The following NOP2 variants were observed in gnomAD, a reference collection of about 807,000 sequenced individuals.
NOP2 encodes 28S rRNA (cytosine(4447)-C(5))-methyltransferase.
NOP2 carries 7 observed loss-of-function variants against 72.7 expected under a neutral mutation model. That is an observed-to-expected ratio of 0.10 (90% confidence interval 0.05 to 0.18). The LOEUF (loss-of-function observed/expected upper bound fraction) is 0.18, where lower values mean the gene tolerates loss of function less well. NOP2 is among the 10% of genes least tolerant of loss of function. The pLI is 1.00. For missense variants in NOP2, 954 were observed against 1,014.7 expected (o/e 0.94, Z 0.81); for synonymous variants, 387 against 388.0 (o/e 1.00, Z 0.03).
intron 15 of NOP2, among the ~76,000 whole-genome samples, chr12:6,558,905 T>C (rs1347979196): frequency 6.6e-6 from 1 of 152,188 alleles, no homozygotes; most frequent in Non-Finnish European, 1.5e-5. Context: ...TCCATGTGAA[T>C]TGTGATGAAG....
chr12:6,565,345 CT>C (rs765750969), intron 5 of NOP2, among the ~76,000 whole-genome samples: 135 of 145,068 alleles, frequency 9.3e-4, no homozygotes, highest in Admixed American at 1.0e-3. Flanking sequence ...TTTAACTTAA[CT>C]TTTTTTTTTT....
chr12:6,567,214 T>C (rs1947803798), intron 2 of NOP2, among the ~76,000 whole-genome samples: 1 of 152,190 alleles, frequency 6.6e-6, no homozygotes, highest in South Asian at 2.1e-4. Flanking sequence ...CCTCCCAAAG[T>C]GTTTCCTTAA....
At chr12:6,558,136 G>A (rs755008552) in intron 15 of NOP2, 17 of 181,142 alleles carry the variant, frequency 9.4e-5, no homozygotes, top group Admixed American at 1.2e-4. Flanking sequence ...GCAAGACACC[G>A]TCTCAAAAAA....
In NOP2 at chr12:6,567,848, G is replaced by C. The variant is rs777646114; in HGVS notation, c.71C>G (p.Ala24Gly). 30 of 1,613,872 alleles carry C rather than the reference G, an allele frequency of 1.9e-5. No individual in the cohort carries two copies. Among genetic ancestry groups the C allele is most frequent in the Non-Finnish European group, 2.5e-5 (29 of 1,179,882 alleles). The part of the protein sequence containing the change: ...PGRKARKQKG[A>G]ETELVRFLPA... The stretch of plus-strand genomic sequence containing the variant: ...CAAGAATCTGACGAGTTCTGTCTCG[G>C]CACCCTTCTGCTTCCGGGCCTTTCG... The change falls in exon 2 of 16, where the codon GCC becomes GGC. Residue 24 changes from alanine (A) to glycine (G), a missense_variant. Ala to Gly is a moderately conservative substitution (Grantham distance 60). This residue lies in a region of NOP2 where 498 missense variants were observed against 478.3 expected (regional missense o/e 1.04). Transcript: ENST00000322166.
At chr12:6,566,728 G>C (rs377089208) in intron 3 of NOP2, 49 bp downstream of exon 3, 2 of 1,596,614 alleles carry the variant, frequency 1.3e-6, no homozygotes. Context: ...TGTGGTCAAA[G>C]ATGAGCAGTA....
At chr12:6,557,968 C>A (rs937539613) in intron 15 of NOP2, 16 of 354,686 alleles carry the variant, frequency 4.5e-5, no homozygotes, top group African/African-American at 3.0e-4. Flanking sequence ...CATGGTGAAA[C>A]CATCTCTACT....
rs1947610593 is a variant in NOP2 at position 6,560,298 on chromosome 12, T to C, written c.1589A>G (p.Tyr530Cys). 6.2e-7 allele frequency: 1 copy of C among 1,613,978 alleles called. No homozygotes were observed. The highest frequency in any genetic ancestry group is 8.5e-7 in the Non-Finnish European group (1 of 1,179,874). Residue 530 changes from tyrosine to cysteine, a missense_variant, in exon 15 of 16, where the codon TAT becomes TGT. By Grantham distance (194) the Tyr-to-Cys change is radical. Coordinates refer to ENST00000322166, the MANE Select transcript of NOP2 (RefSeq NM_001258308.2). This position sits in a 1 kb window ranked among gnomAD's most constrained non-coding sequence, Gnocchi z 5.0. Reference sequence around the variant, plus strand: ...TCGCACATTCCTCTTTTTCAGAGCATAGTCTACCACCCACTCATTCTCTTC... The same window carrying C: ...TCGCACATTCCTCTTTTTCAGAGCACAGTCTACCACCCACTCATTCTCTTC... Reference protein sequence around the residue: ...TVEENEWVVDYALKKRNVRLV... With the variant: ...TVEENEWVVDCALKKRNVRLV...
chr12:6,557,402 TG>T lies in NOP2; in HGVS notation c.2029del (p.Gln677ArgfsTer18), dbSNP rs1306664316. 6.2e-7 allele frequency: 1 copy of T among 1,614,102 alleles called. No homozygotes were observed. Among genetic ancestry groups the T allele is most frequent in the Non-Finnish European group, 8.5e-7 (1 of 1,179,912 alleles). ...TTTTCCAGCTGGCTGACTGCTATCC[TG>T]GAAGCTGGAGGAAGCTTGGGTCTTT... is the stretch of plus-strand genomic sequence containing the variant. Reference protein sequence around the residue: ...VTKTQASSSFQDSSQPAGKAE... With the variant: ...VTKTQASSSFXDSSQPAGKAE... On this transcript the variant is annotated frameshift_variant, in exon 16 of 16. Coordinates refer to ENST00000322166, the MANE Select transcript of NOP2 (RefSeq NM_001258308.2). LOFTEE classifies it low-confidence loss of function (END_TRUNC).
At position 6,560,344 on chromosome 12, in the gene NOP2, A is replaced by G; in HGVS notation, c.1561-18T>C. The stretch of plus-strand genomic sequence containing the variant: ...TCTTCTACCTGGATGTGGGGGGAAG[A>G]CAAAGAACGGAGGAAAAAGCAGAGC... On this transcript the variant is annotated intron_variant, in intron 14 of 15. Transcript: ENST00000322166. This position sits in a 1 kb window ranked among gnomAD's most constrained non-coding sequence, Gnocchi z 5.0. 1 of 1,610,800 alleles carries G rather than the reference A, an allele frequency of 6.2e-7. No individual in the cohort carries two copies.
Position 6,566,884 on chromosome 12 carries a change from C to T in NOP2, c.104-62G>A, listed in dbSNP as rs115775154. ...AGGGGACATTAAAAATAAATGGGAACGGAAATAAACATGGTAAGAGAATTA... is the reference window on the plus strand; with the variant it reads ...AGGGGACATTAAAAATAAATGGGAATGGAAATAAACATGGTAAGAGAATTA... On this transcript the variant is annotated intron_variant, in intron 2 of 15. Transcript: ENST00000322166. 2.8e-3 allele frequency: 3,736 copies of T among 1,338,746 alleles called. 68 individuals are homozygous for T. In the African/African-American group the frequency reaches 0.042, roughly 15 times the overall value. 82.9% of individuals were successfully genotyped at this position (1,338,746 alleles called of 1,614,324 possible).
At chr12:6,565,399 G>C (rs1396940483) in intron 5 of NOP2, among the ~76,000 whole-genome samples, 3 of 151,902 alleles carry the variant, frequency 2.0e-5, no homozygotes, top group African/African-American at 7.3e-5. Context: ...GGAGTGCAAT[G>C]GCATGATCTC....
intron 5 of NOP2, 37 bp downstream of exon 5, chr12:6,566,064 G>A (rs1385681873): frequency 1.9e-5 from 28 of 1,511,818 alleles, no homozygotes; most frequent in Non-Finnish European, 2.5e-5. Flanking sequence ...TAAATAGCAA[G>A]GATCCTTCTA....
chr12:6,560,065 G>C lies in NOP2; in HGVS notation c.1789+33C>G. On this transcript the variant is annotated intron_variant, in intron 15 of 15. Transcript: ENST00000322166. This position sits in a 1 kb window ranked among gnomAD's most constrained non-coding sequence, Gnocchi z 5.0. ...CCTCCTGAAAGGTGGAAAGAGCAAA[G>C]GTGGTGACGAAGGGAAGAAAAAGAT... 2 of 1,494,240 alleles carry C rather than the reference G, an allele frequency of 1.3e-6. No individual in the cohort carries two copies. The highest frequency in any genetic ancestry group is 1.9e-6 in the Non-Finnish European group (2 of 1,071,538). The allele number at this position is 1,494,240 out of a possible 1,614,324, so 92.6% of individuals were successfully genotyped here. A position where few individuals can be genotyped will look rare whatever the true frequency, so the allele number is the denominator to read the frequency against.
Position 6,560,118 on chromosome 12 carries a change from G to T in NOP2, c.1769C>A (p.Ser590Tyr), listed in dbSNP as rs1947605572. 1.2e-6 allele frequency: 2 copies of T among 1,613,634 alleles called. No individual in the cohort carries two copies. Among genetic ancestry groups the T allele is most frequent in the Non-Finnish European group, 1.7e-6 (2 of 1,179,648 alleles). Residue 590 changes from serine (S) to tyrosine (Y), a missense_variant, in exon 15 of 16, where the codon TCT becomes TAT. Coordinates refer to ENST00000322166, the MANE Select transcript of NOP2 (RefSeq NM_001258308.2). The surrounding 1 kb of genome is among the most constrained non-coding windows in gnomAD (Gnocchi z 5.0). ...CTTACCTGTCTGGGACTGAGGGATA[G>T]AATTGGAAAATTTCTTGAACTTGGC... Reference protein sequence around the residue: ...FIAKFKKFSNSIPQSQTGNSE... With the variant: ...FIAKFKKFSNYIPQSQTGNSE...
At chr12:6,559,124 A>AT (rs947304296) in intron 15 of NOP2, among the ~76,000 whole-genome samples, 52 of 144,164 alleles carry the variant, frequency 3.6e-4, no homozygotes, top group Non-Finnish European at 4.8e-4. Context: ...CACCTAGCTA[A>AT]TTTTTTTTTT....
chr12:6,567,919 G>T lies in NOP2; in HGVS notation c.-1C>A, dbSNP rs764151795. On this transcript the variant is annotated 5_prime_UTR_variant, in exon 2 of 16. Transcript: ENST00000322166. Reference sequence around the variant, plus strand: ...TCGTAGGGTCCAACTTGCGCCCCATGGTACTGTGGCAGGCAGAAATGGGAG... The same window carrying T: ...TCGTAGGGTCCAACTTGCGCCCCATTGTACTGTGGCAGGCAGAAATGGGAG... 1 of 1,612,176 alleles carries T rather than the reference G, an allele frequency of 6.2e-7. No homozygotes were observed. The highest frequency in any genetic ancestry group is 1.7e-5 in the Admixed American group (1 of 59,606).
intron 5 of NOP2, 54 bp from the exon 6 acceptor site, chr12:6,564,000 A>G (rs1947715344): frequency 6.3e-7 from 1 of 1,587,486 alleles, no homozygotes; most frequent in Admixed American, 1.8e-5. Flanking sequence ...CAGCCCTTGT[A>G]GCAGTTCTAT....
Position 6,563,140 on chromosome 12 carries a change from G to C in NOP2, c.919C>G (p.Pro307Ala), listed in dbSNP as rs766472500. Residue 307 changes from proline (P) to alanine (A), a missense_variant, in exon 9 of 16, where the codon CCT becomes GCT. This residue lies in a region of NOP2 where 498 missense variants were observed against 478.3 expected (regional missense o/e 1.04). Transcript: ENST00000322166. ...TTGGTCCGGAGGGTGACGGGCCGAG[G>C]CACCTCATTAGCTTCTAAGAACTCC... ...LVEFLEANEV[P>A]RPVTLRTNTL... The C allele has an allele frequency of 1.3e-6, 2 of 1,597,120 alleles. No individual in the cohort carries two copies. Among genetic ancestry groups the C allele is most frequent in the South Asian group, 2.3e-5 (2 of 87,980 alleles).
At position 6,566,342 on chromosome 12, in the gene NOP2, G is replaced by T. The variant is rs777875485; in HGVS notation, c.239-6C>A. 2 of 1,608,868 alleles carry T rather than the reference G, an allele frequency of 1.2e-6. No homozygotes were observed. Among genetic ancestry groups the T allele is most frequent in the South Asian group, 1.1e-5 (1 of 90,720 alleles). On this transcript the variant is annotated splice_region_variant and splice_polypyrimidine_tract_variant and intron_variant, in intron 4 of 15. Transcript: ENST00000322166. Reference sequence around the variant, plus strand: ...GACAGCTCCTGCAGAGATCCCTAAGGGTTTGAAGAGTCCTGGACTAATGGC... The same window carrying T: ...GACAGCTCCTGCAGAGATCCCTAAGTGTTTGAAGAGTCCTGGACTAATGGC...
Sources: allele counts gnomAD v4.1 joint callset (sites outside exome capture counted in the v4.1 genomes callset), GRCh38; gene constraint gnomAD v4.1.1; regional missense constraint gnomAD v4.1.1; non-coding constraint Gnocchi (gnomAD v3.1); transcripts MANE v1.5; gene names NCBI Gene and HGNC (gene_info 2026-07-23, HGNC 2026-07-21).